TAFA1: variants seen among roughly 807,000 people sequenced by gnomAD.
The protein encoded by TAFA1 is TAFA chemokine like family member 1.
Under a neutral mutation model 18.5 loss-of-function variants are expected in TAFA1, and 4 were observed. The ratio of observed to expected loss-of-function variants is 0.22; its 90% CI spans 0.11 to 0.49. TAFA1 has a LOEUF of 0.49. Ranked by LOEUF, TAFA1 falls within the 20% of genes least tolerant of loss-of-function variation. TAFA1 has a pLI of 0.98. For synonymous variants in TAFA1, 56 were observed against 55.2 expected, an observed-to-expected ratio of 1.01 and a Z score of -0.06; for missense variants, 147 against 169.0, an observed-to-expected ratio of 0.87 and a Z score of 0.72.
chr3:68,109,323 GT>G (rs1559523436), intron 2 of TAFA1, among the ~76,000 whole-genome samples: 2 of 152,122 alleles, frequency 1.3e-5, no homozygotes, highest in East Asian at 3.9e-4. Flanking sequence ...TGTGTTCTCC[GT>G]TTCAGCAATG....
intron 2 of TAFA1, among the ~76,000 whole-genome samples, chr3:68,218,627 A>T (rs1164841317): frequency 6.6e-6 from 1 of 152,188 alleles, no homozygotes; most frequent in Non-Finnish European, 1.5e-5. Flanking sequence ...AAAAGCATCC[A>T]GACAGAAGAA....
intron 2 of TAFA1, among the ~76,000 whole-genome samples, chr3:68,175,570 C>T (rs1173369530): frequency 6.6e-6 from 1 of 152,124 alleles, no homozygotes; most frequent in African/African-American, 2.4e-5. Context: ...GGGCCTGTAG[C>T]CTCTTTGTTT....
At chr3:68,169,050 A>G (rs2066019178) in intron 2 of TAFA1, among the ~76,000 whole-genome samples, 1 of 152,182 alleles carries the variant, frequency 6.6e-6, no homozygotes, top group South Asian at 2.1e-4. Context: ...GTCTTAGACA[A>G]AATAGATACT....
At chr3:68,416,115 G>A (rs2070832580) in intron 2 of TAFA1, among the ~76,000 whole-genome samples, 1 of 152,112 alleles carries the variant, frequency 6.6e-6, no homozygotes, top group Non-Finnish European at 1.5e-5. Flanking sequence ...AAACTGGCCA[G>A]CTATTATTAT....
At chr3:68,130,024 G>T (rs970092522) in intron 2 of TAFA1, among the ~76,000 whole-genome samples, 1 of 152,022 alleles carries the variant, frequency 6.6e-6, no homozygotes, top group African/African-American at 2.4e-5. Flanking sequence ...TTATACACAG[G>T]TTTCAGTTTG....
intron 2 of TAFA1, among the ~76,000 whole-genome samples, chr3:68,373,757 T>C (rs187099822): frequency 3.5e-4 from 53 of 152,276 alleles, no homozygotes; most frequent in Admixed American, 7.8e-4. Flanking sequence ...GATACGCCAA[T>C]CTTAATTTGA....
intron 3 of TAFA1, among the ~76,000 whole-genome samples, chr3:68,434,030 A>G (rs530680626): frequency 8.5e-5 from 13 of 152,230 alleles, no homozygotes; most frequent in Non-Finnish European, 1.5e-4. Flanking sequence ...AGTTTTCTGT[A>G]AAAGGATATC....
intron 2 of TAFA1, among the ~76,000 whole-genome samples, chr3:68,203,438 A>G (rs990277943): frequency 2.0e-5 from 3 of 151,638 alleles, no homozygotes; most frequent in African/African-American, 7.3e-5. Flanking sequence ...TTTTCAAACT[A>G]TGTGTTTTGT....
intron 2 of TAFA1, among the ~76,000 whole-genome samples, chr3:68,212,497 G>T (rs918209376): frequency 6.6e-6 from 1 of 151,934 alleles, no homozygotes; most frequent in African/African-American, 2.4e-5. Flanking sequence ...TATAGGTCCG[G>T]ATGACTTTGG....
intron 3 of TAFA1, among the ~76,000 whole-genome samples, chr3:68,444,899 A>G (rs2071450706): frequency 6.6e-6 from 1 of 151,154 alleles, no homozygotes; most frequent in Middle Eastern, 3.4e-3. Context: ...GCACTTCTCT[A>G]TTCCTTCTGA....
At chr3:68,190,836 G>A (rs973562250) in intron 2 of TAFA1, among the ~76,000 whole-genome samples, 14 of 151,696 alleles carry the variant, frequency 9.2e-5, no homozygotes, top group African/African-American at 3.4e-4. Flanking sequence ...TATATCTTGA[G>A]CTTGTCCAAG....
chr3:68,492,726 TTTCTTC>T (rs1002970487), intron 3 of TAFA1, among the ~76,000 whole-genome samples: 1 of 152,032 alleles, frequency 6.6e-6, no homozygotes, highest in Admixed American at 6.6e-5. Flanking sequence ...TTGTAGTTTT[TTTCTTC>T]TTCTTCTTCT....
chr3:68,135,960 C>T (rs1428678224), intron 2 of TAFA1, among the ~76,000 whole-genome samples: 1 of 152,148 alleles, frequency 6.6e-6, no homozygotes, highest in African/African-American at 2.4e-5. Flanking sequence ...CCTAAATTTA[C>T]TTACATATGC....
chr3:68,411,693 A>G (rs943905169), intron 2 of TAFA1, among the ~76,000 whole-genome samples: 3 of 152,212 alleles, frequency 2.0e-5, no homozygotes, highest in Non-Finnish European at 4.4e-5. Flanking sequence ...TTCTTAGAGT[A>G]GAGGTAACTG....
Position 68,417,246 on chromosome 3 carries a change from C to G in TAFA1, c.119-34C>G. On this transcript the variant is annotated intron_variant, in intron 2 of 4. Coordinates refer to ENST00000478136, the MANE Select transcript of TAFA1 (RefSeq NM_213609.4). ...GGCTCGAATAGTCACTGAGTTATTTCTAATCAGTGTCCCTGTTCTTTCTCT... is the reference window on the plus strand; with the variant it reads ...GGCTCGAATAGTCACTGAGTTATTTGTAATCAGTGTCCCTGTTCTTTCTCT... The G allele has an allele frequency of 2.5e-6, 4 of 1,600,988 alleles. No homozygotes were observed. In the South Asian group the frequency reaches 4.4e-5, roughly 18 times the overall value.
chr3:68,098,871 C>A (rs2065116991), intron 2 of TAFA1, among the ~76,000 whole-genome samples: 1 of 152,070 alleles, frequency 6.6e-6, no homozygotes, highest in Non-Finnish European at 1.5e-5. Flanking sequence ...ACCATCTGAT[C>A]TTCAACAAAG....
At chr3:68,071,349 G>C (rs975741277) in intron 2 of TAFA1, among the ~76,000 whole-genome samples, 3 of 152,184 alleles carry the variant, frequency 2.0e-5, no homozygotes, top group Non-Finnish European at 4.4e-5. Flanking sequence ...GTCTGGGAAA[G>C]ACCTGCCCCC....
At chr3:68,229,862 T>C (rs1401238202) in intron 2 of TAFA1, among the ~76,000 whole-genome samples, 2 of 152,208 alleles carry the variant, frequency 1.3e-5, no homozygotes, top group Non-Finnish European at 2.9e-5. Context: ...TATATAATGC[T>C]TGCCTCAAAC....
At chr3:68,216,102 G>A (rs2066653656) in intron 2 of TAFA1, among the ~76,000 whole-genome samples, 1 of 152,022 alleles carries the variant, frequency 6.6e-6, no homozygotes. Flanking sequence ...AAACATTCTG[G>A]AAAAGGCAAA....
Sources: allele counts gnomAD v4.1 joint callset (sites outside exome capture counted in the v4.1 genomes callset), GRCh38; gene constraint gnomAD v4.1.1; transcripts MANE v1.5; gene names NCBI Gene and HGNC (gene_info 2026-07-23, HGNC 2026-07-21).